PLCB2: variants seen among roughly 807,000 people sequenced by gnomAD.
The protein encoded by PLCB2 is phospholipase C beta 2, also known as 1-phosphatidylinositol 4,5-bisphosphate phosphodiesterase beta-2.
Under a neutral mutation model 141.7 loss-of-function variants are expected in PLCB2, and 115 were observed. That is an observed-to-expected ratio of 0.81 (90% CI 0.70 to 0.95). PLCB2 has a LOEUF of 0.95. PLCB2 is among the 40% of genes least tolerant of loss of function. PLCB2 has a pLI of 0.00. For synonymous variants in PLCB2, 603 were observed against 595.6 expected (o/e 1.01, Z -0.18); for missense variants, 1,403 against 1,541.1 (o/e 0.91, Z 1.50).
chr15:40,301,420 T>C, intron 7 of PLCB2: 2 of 617,794 alleles, frequency 3.2e-6, no homozygotes, highest in Non-Finnish European at 5.8e-6. Flanking sequence ...GTGACCCTGC[T>C]TACAACTTGT....
intron 10 of PLCB2, 66 bp downstream of exon 10, chr15:40,298,496 C>T (rs2040348602): frequency 6.2e-7 from 1 of 1,608,068 alleles, no homozygotes; most frequent in Non-Finnish European, 8.5e-7. Context: ...ATGTGGGCAA[C>T]CCCTGTGGAG....
At position 40,293,620 on chromosome 15, in the gene PLCB2, C is replaced by G; in HGVS notation, c.2166G>C (p.Leu722=). ...GATTGATGGAGTTAGTACTGGGTGA[C>G]AGCTTAGTTCGATAGCGCCTCTTGG... is the stretch of plus-strand genomic sequence containing the variant. ...GDPKRRYRTK[L]SPSTNSINPV... Residue 722 remains leucine, a synonymous_variant, in exon 20 of 32, where the codon CTG becomes CTC. Coordinates refer to ENST00000260402, the MANE Select transcript of PLCB2 (RefSeq NM_004573.3). 6.2e-7 allele frequency: 1 copy of G among 1,614,154 alleles called. No individual in the cohort carries two copies. The highest frequency in any genetic ancestry group is 8.5e-7 in the Non-Finnish European group (1 of 1,180,008).
At position 40,302,569 on chromosome 15, in the gene PLCB2, T is replaced by G. The variant is rs1340715405; in HGVS notation, c.272A>C (p.Asp91Ala). 1.9e-6 allele frequency: 3 copies of G among 1,614,096 alleles called. No homozygotes were observed. The highest frequency in any genetic ancestry group is 2.5e-6 in the Non-Finnish European group (3 of 1,180,030). ...LRDVFNMDFP[D>A]NSFLLKTLTV... is the part of the protein sequence containing the mutation. The stretch of plus-strand genomic sequence containing the variant: ...GAGTGTCTTCAGCAGGAAACTGTTA[T>G]CAGGAAAGTCCATGTTGAAGACGTC... The change falls in exon 4 of 32, where the codon GAT becomes GCT. Residue 91 changes from aspartate to alanine, a missense_variant. Asp to Ala is a moderately radical substitution (Grantham distance 126, BLOSUM62 -2). This residue lies in a region of PLCB2 where 975 missense variants were observed against 1,141.1 expected (regional missense o/e 0.85). Coordinates refer to ENST00000260402, the MANE Select transcript of PLCB2 (RefSeq NM_004573.3).
chr15:40,298,004 C>T lies in PLCB2; in HGVS notation c.1156-45G>A, dbSNP rs755138390. 36 of 1,422,940 alleles carry T rather than the reference C, an allele frequency of 2.5e-5. No homozygotes were observed. In the South Asian group the frequency reaches 3.4e-4, roughly 13 times the overall value. The allele number at this position is 1,422,940 out of a possible 1,614,324, so 88.1% of individuals were successfully genotyped here. ...CATGAACAGAAGGTCAGCGTTCCGA[C>T]TGCCTGTCTCGTGATAGCACTTTTC... is the stretch of plus-strand genomic sequence containing the variant. On this transcript the variant is annotated intron_variant, in intron 11 of 31. Coordinates refer to ENST00000260402, the MANE Select transcript of PLCB2 (RefSeq NM_004573.3).
At chr15:40,292,038 C>G in intron 23 of PLCB2, 26 bp downstream of exon 23, 10 of 1,609,550 alleles carry the variant, frequency 6.2e-6, no homozygotes, top group Non-Finnish European at 8.5e-6. Flanking sequence ...TGGTGAGCCC[C>G]TGGCAGCAGT....
downstream of PLCB2, chr15:40,285,631 G>A: frequency 1.0e-6 from 1 of 985,342 alleles, no homozygotes; most frequent in Non-Finnish European, 1.2e-6. Context: ...GGGCAGGAAT[G>A]CTCTCCTTTA....
Position 40,307,823 on chromosome 15 carries a change from G to T in PLCB2, c.-151C>A. The T allele has an allele frequency of 1.8e-6, 1 of 570,044 alleles. No homozygotes were observed. The highest frequency in any genetic ancestry group is 3.2e-5 in the East Asian group (1 of 30,966). 35.3% of individuals were successfully genotyped at this position (570,044 alleles called of 1,614,324 possible). A position where few individuals can be genotyped will look rare whatever the true frequency, so the allele number is the denominator to read the frequency against. On this transcript the variant is annotated 5_prime_UTR_variant, in exon 1 of 32. Transcript: ENST00000260402. ...AATCTAGTTGCTCTTATAGCCCCTGGGGTGGCCCTGGCTGAGTGCAGGACT... is the reference window on the plus strand; with the variant it reads ...AATCTAGTTGCTCTTATAGCCCCTGTGGTGGCCCTGGCTGAGTGCAGGACT...
rs1409412022 is a variant in PLCB2, at chr15:40,291,123, G to T, written c.2931C>A (p.Asp977Glu). The change falls in exon 27 of 32, where the codon GAC (aspartate) becomes GAA (glutamate). Residue 977 changes from aspartate (D) to glutamate (E), a missense_variant. Physicochemically the swap from Asp to Glu is conservative, Grantham distance 45. Transcript: ENST00000260402. ...TGTCTTTCAGCTCCCGCACGCGCCC[G>T]TCCACGCCCTCAGGGCCCTCGCCCG... ...AAPGEGPEGV[D>E]GRVRELKDRL... is the part of the protein sequence containing the mutation. The T allele has an allele frequency of 1.3e-6, 2 of 1,577,804 alleles. No homozygotes were observed. The highest frequency in any genetic ancestry group is 1.7e-4 in the Middle Eastern group (1 of 6,000).
Position 40,289,178 on chromosome 15 carries a change from C to T in PLCB2, c.3354+94G>A, listed in dbSNP as rs569799759. On this transcript the variant is annotated intron_variant, in intron 31 of 31. Coordinates refer to ENST00000260402, the MANE Select transcript of PLCB2 (RefSeq NM_004573.3). ...CAGTGAAGGATGATGGCCCCCTTCCCCTACCCTCTCACTGGCAGCTCCCTG... is the reference window on the plus strand; with the variant it reads ...CAGTGAAGGATGATGGCCCCCTTCCTCTACCCTCTCACTGGCAGCTCCCTG... 709 of 1,188,120 alleles carry T rather than the reference C, an allele frequency of 6.0e-4. 2 individuals are homozygous for T. Among genetic ancestry groups the T allele is most frequent in the Middle Eastern group, 2.2e-3 (11 of 4,980 alleles). 73.6% of individuals were successfully genotyped at this position (1,188,120 alleles called of 1,614,324 possible).
downstream of PLCB2, among the ~76,000 whole-genome samples, chr15:40,287,520 A>G (rs939890481): frequency 6.6e-6 from 1 of 152,186 alleles, no homozygotes; most frequent in African/African-American, 2.4e-5. Flanking sequence ...TAGCTGCCAT[A>G]GGGTCCTGAG....
intron 25 of PLCB2, 48 bp from the exon 26 acceptor site, chr15:40,291,535 G>C: frequency 1.2e-6 from 2 of 1,606,002 alleles, no homozygotes; most frequent in African/African-American, 1.3e-5. Context: ...CGTCCTGCCC[G>C]TCCAACCCCC....
At chr15:40,301,853 G>T in intron 7 of PLCB2, 104 bp downstream of exon 7, 1 of 979,322 alleles carries the variant, frequency 1.0e-6, no homozygotes, top group Non-Finnish European at 1.6e-6. Flanking sequence ...TCTTGGCTGG[G>T]GCTGTGATGT....
chr15:40,296,719 C>T (rs1323768054), intron 14 of PLCB2, 27 bp downstream of exon 14: 1 of 1,610,058 alleles, frequency 6.2e-7, no homozygotes, highest in Non-Finnish European at 8.5e-7. Flanking sequence ...CTCCTAATAC[C>T]CCCCACCATA....
downstream of PLCB2, chr15:40,285,816 G>A (rs1595616968): frequency 1.0e-6 from 1 of 985,524 alleles, no homozygotes; most frequent in Non-Finnish European, 1.2e-6. Context: ...AGGTGGAGGA[G>A]AGAAGCAGCA....
At position 40,293,730 on chromosome 15, in the gene PLCB2, G is replaced by A. The variant is rs552731091; in HGVS notation, c.2062-6C>T. On this transcript the variant is annotated splice_region_variant and splice_polypyrimidine_tract_variant and intron_variant, in intron 19 of 31. Transcript: ENST00000260402. ...AGGAACTGCCCAGAGATCACCTGGG[G>A]GTAGGGGCCCAGGAAAACCAGCATC... 3 of 1,602,872 alleles carry A rather than the reference G, an allele frequency of 1.9e-6. No homozygotes were observed. Among genetic ancestry groups the A allele is most frequent in the Admixed American group, 1.7e-5 (1 of 59,840 alleles).
chr15:40,290,186 G>A, intron 29 of PLCB2, 104 bp from the exon 30 acceptor site: 2 of 792,976 alleles, frequency 2.5e-6, no homozygotes, highest in East Asian at 2.5e-5. Flanking sequence ...TCCAACATAG[G>A]GCAGGAACCA....
At chr15:40,285,962 T>C (rs1436631780), downstream of PLCB2, 1 of 985,368 alleles carries the variant, frequency 1.0e-6, no homozygotes, top group African/African-American at 1.7e-5. Flanking sequence ...GAAAGTGCTG[T>C]GCTGGGTACC....
Position 40,289,293 on chromosome 15 carries a change from C to G in PLCB2, c.3333G>C (p.Gln1111His). 1 of 1,614,056 alleles carries G rather than the reference C, an allele frequency of 6.2e-7. No homozygotes were observed. Among genetic ancestry groups the G allele is most frequent in the Non-Finnish European group, 8.5e-7 (1 of 1,179,904 alleles). Residue 1111 changes from glutamine to histidine, a missense_variant, in exon 31 of 32, where the codon CAG (glutamine) becomes CAC (histidine). Physicochemically the swap from Gln to His is conservative, Grantham distance 24 (BLOSUM62 0). This residue lies in a region of PLCB2 where 132 missense variants were observed against 132.4 expected (regional missense o/e 1.00). Transcript: ENST00000260402. ...LEEKQAACLE[Q>H]IREMEKQFQK... ...TTACCTGCTTTTCCATCTCCCGTAT[C>G]TGTTCCAGGCAAGCCGCCTGCTTCT...
At chr15:40,289,143 C>T (rs2039710091) in intron 31 of PLCB2, 129 bp downstream of exon 31, 6 of 1,035,466 alleles carry the variant, frequency 5.8e-6, no homozygotes, top group East Asian at 2.4e-5. Flanking sequence ...GAAAGGGCCT[C>T]GGGACCCCAC....
Sources: allele counts gnomAD v4.1 joint callset (sites outside exome capture counted in the v4.1 genomes callset), GRCh38; gene constraint gnomAD v4.1.1; regional missense constraint gnomAD v4.1.1; transcripts MANE v1.5; gene names NCBI Gene and HGNC (gene_info 2026-07-23, HGNC 2026-07-21).